MCTP1: variants seen among roughly 807,000 people sequenced by gnomAD.
MCTP1 encodes multiple C2 and transmembrane domain containing 1, also known as multiple C2 and transmembrane domain-containing protein 1.
A neutral mutation model predicts 120.6 loss-of-function variants in MCTP1; 69 were observed. The observed-to-expected ratio is 0.57, with a 90% CI of 0.47 to 0.70. The LOEUF is 0.70. MCTP1 is among the 30% of genes least tolerant of loss of function. MCTP1 has a pLI of 0.00. For synonymous variants in MCTP1, 529 were observed against 493.1 expected, an observed-to-expected ratio of 1.07 and a Z score of -0.96; for missense variants, 1,203 against 1,248.8, an observed-to-expected ratio of 0.96 and a Z score of 0.55.
intron 5 of MCTP1, among the ~76,000 whole-genome samples, chr5:94,934,666 G>A (rs1481408931): frequency 6.6e-6 from 1 of 150,534 alleles, no homozygotes; most frequent in African/African-American, 2.4e-5. Context: ...ACTTTTTGTA[G>A]GTAGATATTT....
In MCTP1 at chr5:95,145,533, T is replaced by C. The variant is rs557448057; in HGVS notation, c.721-128049A>G. ...CAGTATGATGTTGACTGTGGGTTTG[T>C]CATGAATGGCTCTTATTATTTTGAG... On this transcript the variant is annotated intron_variant, in intron 1 of 22. Coordinates refer to ENST00000515393, the MANE Select transcript of MCTP1 (RefSeq NM_024717.7). Among the ~76,000 whole-genome samples the C allele has an allele frequency of 3.9e-5, 6 of 152,296 alleles. No homozygotes were observed. The South Asian group carries it at 1.2e-3, about 32-fold the overall frequency.
intron 1 of MCTP1, among the ~76,000 whole-genome samples, chr5:95,121,831 G>A (rs1418357573): frequency 2.0e-5 from 3 of 150,360 alleles, no homozygotes; most frequent in Admixed American, 6.7e-5. Context: ...AGATTAATCC[G>A]TACATCTATA....
intron 2 of MCTP1, among the ~76,000 whole-genome samples, chr5:95,003,767 C>T (rs945700179): frequency 6.6e-6 from 1 of 152,212 alleles, no homozygotes. Flanking sequence ...GATTAAACCT[C>T]TTTTATTTAT....
chr5:95,218,768 C>T lies in MCTP1; in HGVS notation c.720+65088G>A, dbSNP rs192813043. 9.1e-4 allele frequency among the ~76,000 whole-genome samples: 139 copies of T among 152,286 alleles called. 1 individual carries two copies. The highest frequency in any genetic ancestry group is 3.4e-3 in the Middle Eastern group (1 of 294). ...AATTGAGATGGAATAGCCTACTATA[C>T]GCCTAGGCTGGATGGTATAGCCTGT... On this transcript the variant is annotated intron_variant, in intron 1 of 22. Transcript: ENST00000515393.
rs1222262981 is a variant in MCTP1 at position 94,845,216 on chromosome 5, A to G, written c.2436+23117T>C. Among the ~76,000 whole-genome samples, 3 of 152,206 alleles carry G rather than the reference A, an allele frequency of 2.0e-5. No homozygotes were observed. In the East Asian group the frequency reaches 5.8e-4, roughly 29 times the overall value. On this transcript the variant is annotated intron_variant, in intron 17 of 22. Coordinates refer to ENST00000515393, the MANE Select transcript of MCTP1 (RefSeq NM_024717.7). ...TTATAAAGAAAAAGAGGTTTAATGGACTGAAAGTTCCACACTGCTAGGGAG... is the reference window on the plus strand; with the variant it reads ...TTATAAAGAAAAAGAGGTTTAATGGGCTGAAAGTTCCACACTGCTAGGGAG...
At chr5:95,214,444 G>T (rs1231650856) in intron 1 of MCTP1, among the ~76,000 whole-genome samples, 1 of 151,996 alleles carries the variant, frequency 6.6e-6, no homozygotes, top group East Asian at 1.9e-4. Context: ...AACCATTGTG[G>T]AAGTCAGGGT....
At chr5:95,168,402 C>T (rs1352290220) in intron 1 of MCTP1, among the ~76,000 whole-genome samples, 1 of 152,076 alleles carries the variant, frequency 6.6e-6, no homozygotes, top group African/African-American at 2.4e-5. Flanking sequence ...TCCATATGAA[C>T]TTTAAAGTAG....
intron 1 of MCTP1, among the ~76,000 whole-genome samples, chr5:95,217,677 T>C (rs1416482214): frequency 2.0e-5 from 3 of 152,134 alleles, no homozygotes; most frequent in South Asian, 4.1e-4. Flanking sequence ...GGTAATAACA[T>C]TGGAGGAAAG....
chr5:95,259,272 T>C (rs1438337527), intron 1 of MCTP1, among the ~76,000 whole-genome samples: 17 of 152,166 alleles, frequency 1.1e-4, no homozygotes, highest in Admixed American at 1.1e-3. Context: ...CAACCCAACC[T>C]GGACTTCCTT....
chr5:94,881,209 C>T (rs182114452), intron 12 of MCTP1, among the ~76,000 whole-genome samples: 2 of 152,200 alleles, frequency 1.3e-5, no homozygotes, highest in East Asian at 3.9e-4. Context: ...AAGCAGGGGT[C>T]ATGTATCAGT....
At chr5:94,878,004 T>C (rs1799280080) in intron 12 of MCTP1, among the ~76,000 whole-genome samples, 1 of 152,148 alleles carries the variant, frequency 6.6e-6, no homozygotes, top group Non-Finnish European at 1.5e-5. Flanking sequence ...TTCAATAGCA[T>C]GGAAAGCAAT....
chr5:95,021,149 C>T (rs755401740), intron 1 of MCTP1, among the ~76,000 whole-genome samples: 5 of 152,056 alleles, frequency 3.3e-5, no homozygotes, highest in Admixed American at 1.3e-4. Flanking sequence ...CTGATTTTTG[C>T]TTCCATTTTC....
chr5:94,918,181 A>G (rs1810609471), intron 7 of MCTP1, among the ~76,000 whole-genome samples: 1 of 152,238 alleles, frequency 6.6e-6, no homozygotes, highest in African/African-American at 2.4e-5. Context: ...TATTTTCTTT[A>G]GTAGAATGAT....
In MCTP1 at chr5:94,888,937, C is replaced by T; in HGVS notation, c.1875G>A (p.Val625=). 6.2e-7 allele frequency: 1 copy of T among 1,613,906 alleles called. No homozygotes were observed. Among genetic ancestry groups the T allele is most frequent in the Non-Finnish European group, 8.5e-7 (1 of 1,179,854 alleles). ...PLRIFHNLKD[V]GFLQVKVIRA... ...TGATGACTTTCACCTGGAGAAATCC[C>T]ACATCTTTCAGGTTGTGAAATATCC... The change falls in exon 12 of 23, where the codon GTG becomes GTA. Residue 625 remains valine, a synonymous_variant. Coordinates refer to ENST00000515393, the MANE Select transcript of MCTP1 (RefSeq NM_024717.7).
At position 95,093,031 on chromosome 5, in the gene MCTP1, C is replaced by T. The variant is rs79133512; in HGVS notation, c.721-75547G>A. ...ATGGTTTGGATTCATAGAAAACCCA[C>T]AAACTATTTGAGATAATTGTTTTGC... On this transcript the variant is annotated intron_variant, in intron 1 of 22. Coordinates refer to ENST00000515393, the MANE Select transcript of MCTP1 (RefSeq NM_024717.7). Among the ~76,000 whole-genome samples the T allele has an allele frequency of 4.5e-3, 691 of 152,302 alleles. 5 individuals are homozygous for T. Among genetic ancestry groups the T allele is most frequent in the African/African-American group, 0.016 (666 of 41,566 alleles).
chr5:94,856,018 A>G (rs944380840), intron 17 of MCTP1, among the ~76,000 whole-genome samples: 9 of 151,776 alleles, frequency 5.9e-5, no homozygotes, highest in East Asian at 1.9e-4. Context: ...TTTTTAAAAG[A>G]TGAGAATCAA....
At chr5:95,273,105 G>A (rs1027020581) in intron 1 of MCTP1, among the ~76,000 whole-genome samples, 2 of 152,240 alleles carry the variant, frequency 1.3e-5, no homozygotes, top group Non-Finnish European at 2.9e-5. Context: ...CAACTGTTCT[G>A]TGGTGACCCA....
At chr5:94,909,794 G>GT (rs949602296) in intron 9 of MCTP1, among the ~76,000 whole-genome samples, 13 of 151,988 alleles carry the variant, frequency 8.6e-5, no homozygotes, top group African/African-American at 2.9e-4. Context: ...TTCAGAGTTT[G>GT]TTTTTTTCTT....
At chr5:95,148,978 G>A (rs1167766654) in intron 1 of MCTP1, among the ~76,000 whole-genome samples, 1 of 152,190 alleles carries the variant, frequency 6.6e-6, no homozygotes, top group Admixed American at 6.5e-5. Context: ...CTGTAATTTG[G>A]ACTGTGATCC....
Sources: gnomAD v4.1 joint callset for allele counts (sites outside exome capture counted in the v4.1 genomes callset) on GRCh38, gnomAD v4.1.1 for gene constraint, MANE v1.5 for transcripts, NCBI Gene and HGNC (gene_info 2026-07-23, HGNC 2026-07-21) for gene names.